Variants in ABCB11 observed in about 807,000 individuals in gnomAD.
The protein encoded by ABCB11 is bile salt export pump.
A neutral mutation model predicts 148.0 loss-of-function variants in ABCB11; 95 were observed. The observed-to-expected ratio is 0.64, with a 90% CI of 0.54 to 0.76. The LOEUF is 0.76. Ranked by LOEUF, ABCB11 falls within the 30% of genes least tolerant of loss-of-function variation. The pLI is 0.00. For synonymous variants in ABCB11, 591 were observed against 555.4 expected, an observed-to-expected ratio of 1.06 and a Z score of -0.90; for missense variants, 1,523 against 1,617.8, an observed-to-expected ratio of 0.94 and a Z score of 1.01.
rs1695781191 is a variant in ABCB11, at chr2:169,028,994, C to T, written c.-28+2231G>A. On this transcript the variant is annotated intron_variant, in intron 1 of 27. Transcript: ENST00000650372. ...AGATGGTAAGAAGAATCTAAATGTC[C>T]TCAAAGCCATTGAGGAGCTGAGGAC... 2.0e-5 allele frequency among the ~76,000 whole-genome samples: 3 copies of T among 151,630 alleles called. No homozygotes were observed. In the South Asian group the frequency reaches 6.2e-4, roughly 31 times the overall value.
chr2:168,933,473 G>A (rs1434760636), intron 23 of ABCB11, among the ~76,000 whole-genome samples: 1 of 152,174 alleles, frequency 6.6e-6, no homozygotes, highest in Non-Finnish European at 1.5e-5. Context: ...ATTATGATGT[G>A]AGTAGTAGCC....
At chr2:169,016,469 G>T (rs911281637) in intron 3 of ABCB11, among the ~76,000 whole-genome samples, 1 of 152,088 alleles carries the variant, frequency 6.6e-6, no homozygotes, top group African/African-American at 2.4e-5. Flanking sequence ...AGAATTTGGG[G>T]TTTAGAGACC....
At chr2:168,918,478 C>G (rs775045742), downstream of ABCB11, among the ~76,000 whole-genome samples, 22 of 152,152 alleles carry the variant, frequency 1.4e-4, no homozygotes, top group Non-Finnish European at 3.2e-4. Flanking sequence ...ATAACAGATG[C>G]ATGCATGTAT....
At chr2:168,925,971 A>T (rs484066) in intron 26 of ABCB11, among the ~76,000 whole-genome samples, 89,478 of 152,024 alleles carry the variant, frequency 0.59, 26,988 homozygotes, top group South Asian at 0.69. Context: ...GTGCTTATAG[A>T]TTGGGCTAAC....
In ABCB11 at chr2:168,993,546, C is replaced by T. The variant is rs3770598; in HGVS notation, c.783+165G>A. 0.015 allele frequency among the ~76,000 whole-genome samples: 2,297 copies of T among 152,128 alleles called. 252 individuals are homozygous for T. The East Asian group carries it at 0.3, about 20-fold the overall frequency. ...TATTAAAACATCATTAATCCCTATTCGATGAAATGTCATTTGACACTGGGG... is the reference window on the plus strand; with the variant it reads ...TATTAAAACATCATTAATCCCTATTTGATGAAATGTCATTTGACACTGGGG... On this transcript the variant is annotated intron_variant, in intron 8 of 27. Coordinates refer to ENST00000650372, the MANE Select transcript of ABCB11 (RefSeq NM_003742.4).
chr2:169,010,110 T>C (rs1293468217), intron 5 of ABCB11, among the ~76,000 whole-genome samples: 1 of 152,170 alleles, frequency 6.6e-6, no homozygotes, highest in Non-Finnish European at 1.5e-5. Flanking sequence ...TTGTTTAGAC[T>C]CCTTCCAAAT....
intron 17 of ABCB11, among the ~76,000 whole-genome samples, chr2:168,966,217 T>C (rs1693310787): frequency 6.6e-6 from 1 of 151,864 alleles, no homozygotes; most frequent in Non-Finnish European, 1.5e-5. Context: ...GGAGGAGACT[T>C]AAGGTCAAGG....
chr2:169,013,666 T>C (rs1168170945), intron 4 of ABCB11, among the ~76,000 whole-genome samples, 156 bp from the exon 5 acceptor site: 2 of 152,222 alleles, frequency 1.3e-5, no homozygotes, highest in African/African-American at 4.8e-5. Flanking sequence ...ATACTAATTA[T>C]ATTGAAATAA....
intron 19 of ABCB11, among the ~76,000 whole-genome samples, chr2:168,948,827 C>T (rs1460902950): frequency 6.6e-6 from 1 of 151,644 alleles, no homozygotes; most frequent in East Asian, 1.9e-4. Flanking sequence ...GGGGGCAATG[C>T]GAAAACTACA....
Position 168,976,562 on chromosome 2 carries a change from C to T in ABCB11, c.1308+15G>A, listed in dbSNP as rs1247021024. 1 of 1,408,238 alleles carries T rather than the reference C, an allele frequency of 7.1e-7. No individual in the cohort carries two copies. The highest frequency in any genetic ancestry group is 1.3e-5 in the South Asian group (1 of 75,400). The allele number at this position is 1,408,238 out of a possible 1,614,324, so 87.2% of individuals were successfully genotyped here. Reference sequence around the variant, plus strand: ...AGAAAACATTTACTATTCTGGGGAACAGACCAGCACTCACCTTCACCTCTG... The same window carrying T: ...AGAAAACATTTACTATTCTGGGGAATAGACCAGCACTCACCTTCACCTCTG... On this transcript the variant is annotated intron_variant, in intron 12 of 27. Coordinates refer to ENST00000650372, the MANE Select transcript of ABCB11 (RefSeq NM_003742.4).
intron 19 of ABCB11, among the ~76,000 whole-genome samples, chr2:168,953,640 C>A (rs1370898259): frequency 1.3e-5 from 2 of 151,042 alleles, no homozygotes; most frequent in Non-Finnish European, 3.0e-5. Context: ...TTTTTTAATC[C>A]ATTCTTCCAA....
At chr2:168,926,226 T>A (rs949260426) in intron 26 of ABCB11, among the ~76,000 whole-genome samples, 1 of 152,084 alleles carries the variant, frequency 6.6e-6, no homozygotes, top group African/African-American at 2.4e-5. Context: ...GATGGAAAAA[T>A]GCAGAGTCAA....
In ABCB11 at chr2:169,012,924, A is replaced by T. The variant is rs151303012; in HGVS notation, c.389+348T>A. 8.3e-3 allele frequency among the ~76,000 whole-genome samples: 1,261 copies of T among 152,016 alleles called. 12 individuals carry two copies. The highest frequency in any genetic ancestry group is 0.013 in the Admixed American group (198 of 15,242). On this transcript the variant is annotated intron_variant, in intron 5 of 27. Transcript: ENST00000650372. ...AGAGGGGAGTTGGTGGGGGGGAAAA[A>T]TAGAACTCTTGGAGATGATACTCAA...
chr2:168,938,040 C>T (rs1691905555), intron 21 of ABCB11, among the ~76,000 whole-genome samples: 1 of 151,946 alleles, frequency 6.6e-6, no homozygotes. Flanking sequence ...TTATTTAAGA[C>T]AAAAAAATGT....
intron 11 of ABCB11, among the ~76,000 whole-genome samples, chr2:168,977,114 T>C (rs938061269): frequency 1.3e-5 from 2 of 148,610 alleles, no homozygotes; most frequent in African/African-American, 4.9e-5. Flanking sequence ...ACATATATAA[T>C]ACATATGTTG....
intron 1 of ABCB11, among the ~76,000 whole-genome samples, chr2:169,028,663 G>A (rs1695773266): frequency 6.6e-6 from 1 of 152,016 alleles, no homozygotes; most frequent in Non-Finnish European, 1.5e-5. Context: ...AAGGCCATGG[G>A]AAGCTAATGA....
chr2:168,932,982 G>A (rs112667141), intron 23 of ABCB11, among the ~76,000 whole-genome samples: 16,035 of 151,844 alleles, frequency 0.11, 938 homozygotes, highest in African/African-American at 0.15. Context: ...GGTGGTGGTC[G>A]CCTGTGGTCC....
chr2:169,027,779 A>G (rs1242523727), intron 1 of ABCB11, among the ~76,000 whole-genome samples: 2 of 152,194 alleles, frequency 1.3e-5, no homozygotes, highest in Admixed American at 6.5e-5. Flanking sequence ...ACTACTTGCC[A>G]CTACAGCAAG....
intron 17 of ABCB11, among the ~76,000 whole-genome samples, chr2:168,966,515 A>G (rs868788343): frequency 7.2e-5 from 11 of 151,856 alleles, no homozygotes; most frequent in Non-Finnish European, 1.0e-4. Context: ...AACTGACAAC[A>G]TCTGTCTCTC....
Sources: allele counts gnomAD v4.1 joint callset (sites outside exome capture counted in the v4.1 genomes callset), GRCh38; gene constraint gnomAD v4.1.1; transcripts MANE v1.5; gene names NCBI Gene and HGNC (gene_info 2026-07-23, HGNC 2026-07-21).